Variants in KDM1B observed in about 807,000 individuals in gnomAD.
KDM1B encodes lysine demethylase 1B.
A neutral mutation model predicts 107.4 loss-of-function variants in KDM1B; 63 were observed. The ratio of observed to expected loss-of-function variants is 0.59; its 90% CI spans 0.48 to 0.72. KDM1B has a LOEUF of 0.72. Ranked by LOEUF, KDM1B falls within the 30% of genes least tolerant of loss-of-function variation. KDM1B has a pLI of 0.00. For missense variants in KDM1B, 749 were observed against 1,020.8 expected, an observed-to-expected ratio of 0.73 and a Z score of 3.63; for synonymous variants, 363 against 363.9, an observed-to-expected ratio of 1.00 and a Z score of 0.03.
rs926703234 is a variant in KDM1B, at chr6:18,201,082, T to A, written c.1360-404T>A. ...TGAAGAGTTGGTAGGCCCAAGACTT[T>A]TTCTGAAATGTTTATTGATGGTCAA... On this transcript the variant is annotated intron_variant, in intron 13 of 21. Coordinates refer to ENST00000650836, the MANE Select transcript of KDM1B (RefSeq NM_001364614.2). The surrounding 1 kb of genome is among the most constrained non-coding windows in gnomAD (Gnocchi z 4.3). Among the ~76,000 whole-genome samples, 7 of 152,324 alleles carry A rather than the reference T, an allele frequency of 4.6e-5. No homozygotes were observed. The East Asian group carries it at 1.4e-3, about 29-fold the overall frequency.
chr6:18,214,036 G>A lies in KDM1B; in HGVS notation c.2109+255G>A, dbSNP rs1017338751. The stretch of plus-strand genomic sequence containing the variant: ...ATGCTTGTGGAAACTGTCATTTCAG[G>A]CTATGGGGGAATTCCTCTTAGGTGA... On this transcript the variant is annotated intron_variant, in intron 19 of 21. Transcript: ENST00000650836. This position sits in a 1 kb window ranked among gnomAD's most constrained non-coding sequence, Gnocchi z 4.4. Among the ~76,000 whole-genome samples, 15 of 152,232 alleles carry A rather than the reference G, an allele frequency of 9.9e-5. No individual in the cohort carries two copies. Among genetic ancestry groups the A allele is most frequent in the Admixed American group, 7.2e-4 (11 of 15,290 alleles).
At chr6:18,166,236 A>C in intron 5 of KDM1B, 31 bp from the exon 6 acceptor site, 49 of 956,640 alleles carry the variant, frequency 5.1e-5, no homozygotes, top group Non-Finnish European at 8.1e-5. Flanking sequence ...TCGATATATT[A>C]ATCGATATAT....
intron 7 of KDM1B, among the ~76,000 whole-genome samples, chr6:18,176,550 C>G (rs191467414): frequency 1.8e-4 from 27 of 152,236 alleles, no homozygotes; most frequent in African/African-American, 6.5e-4. Context: ...AGAGGGAATG[C>G]TTTCAACTCT....
In KDM1B at chr6:18,166,287, A is replaced by G. The variant is rs757409247; in HGVS notation, c.326A>G (p.Lys109Arg). The change falls in exon 6 of 22, where the codon AAA (lysine) becomes AGA (arginine). Residue 109 changes from lysine (K) to arginine (R), a missense_variant. Lys to Arg is a conservative substitution (Grantham distance 26). Coordinates refer to ENST00000650836, the MANE Select transcript of KDM1B (RefSeq NM_001364614.2). The stretch of plus-strand genomic sequence containing the variant: ...TTCAGCCATAAGGATGGATATGACA[A>G]ATATACTACATGGAAAAAAATATGG... ...YYRSHKDGYD[K>R]YTTWKKIWTS... 4.4e-6 allele frequency: 7 copies of G among 1,595,888 alleles called. No homozygotes were observed. In the East Asian group the frequency reaches 1.1e-4, roughly 25 times the overall value.
chr6:18,194,646 T>A (rs1028529788), intron 10 of KDM1B, among the ~76,000 whole-genome samples: 1 of 152,078 alleles, frequency 6.6e-6, no homozygotes, highest in Admixed American at 6.6e-5. Flanking sequence ...TAACATAAAA[T>A]TTACCATATT....
In KDM1B at chr6:18,194,802, C is replaced by A. The variant is rs551516482; in HGVS notation, c.970-2255C>A. ...ACAGGCATGAGCCACCGTGCCTAGC[C>A]CTATTCCATCTTAACCATTGTGAAA... is the stretch of plus-strand genomic sequence containing the variant. On this transcript the variant is annotated intron_variant, in intron 10 of 21. Coordinates refer to ENST00000650836, the MANE Select transcript of KDM1B (RefSeq NM_001364614.2). Among the ~76,000 whole-genome samples, 6 of 152,230 alleles carry A rather than the reference C, an allele frequency of 3.9e-5. No individual in the cohort carries two copies. The South Asian group carries it at 8.3e-4, about 21-fold the overall frequency.
Position 18,222,315 on chromosome 6 carries a change from A to C in KDM1B, c.*323A>C. On this transcript the variant is annotated 3_prime_UTR_variant, in exon 22 of 22. Coordinates refer to ENST00000650836, the MANE Select transcript of KDM1B (RefSeq NM_001364614.2). ...TGGCTGGAAGTTCCCTTTAGATTTCACATTTTATATGGCTGATCAATTTTC... is the reference window on the plus strand; with the variant it reads ...TGGCTGGAAGTTCCCTTTAGATTTCCCATTTTATATGGCTGATCAATTTTC... 1 of 406,084 alleles carries C rather than the reference A, an allele frequency of 2.5e-6. No homozygotes were observed. The highest frequency in any genetic ancestry group is 4.7e-6 in the Non-Finnish European group (1 of 213,150). The allele number at this position is 406,084 out of a possible 1,614,324, so 25.2% of individuals were successfully genotyped here.
At position 18,197,270 on chromosome 6, in the gene KDM1B, G is replaced by T; in HGVS notation, c.1146+37G>T. 1 of 1,575,350 alleles carries T rather than the reference G, an allele frequency of 6.3e-7. No individual in the cohort carries two copies. The highest frequency in any genetic ancestry group is 1.1e-5 in the South Asian group (1 of 89,502). ...TAGCTTTAGCGATAGCCTTGCCATTGATCAGGACAAACGCTAGTCTGTTGC... is the reference window on the plus strand; with the variant it reads ...TAGCTTTAGCGATAGCCTTGCCATTTATCAGGACAAACGCTAGTCTGTTGC... On this transcript the variant is annotated intron_variant, in intron 11 of 21. Transcript: ENST00000650836. This position sits in a 1 kb window ranked among gnomAD's most constrained non-coding sequence, Gnocchi z 4.5.
intron 12 of KDM1B, among the ~76,000 whole-genome samples, chr6:18,199,470 A>G (rs1787890814): frequency 1.3e-5 from 2 of 152,162 alleles, no homozygotes; most frequent in South Asian, 2.1e-4. Context: ...CTAGAGATCC[A>G]GAAGTGAAAG....
Position 18,209,756 on chromosome 6 carries a change from C to A in KDM1B, c.1866+1550C>A, listed in dbSNP as rs375306270. On this transcript the variant is annotated intron_variant, in intron 17 of 21. Transcript: ENST00000650836. This position sits in a 1 kb window ranked among gnomAD's most constrained non-coding sequence, Gnocchi z 4.3. ...TCGAGTAGCTGGGATTACAGGCATG[C>A]ACCACCATGCCCGGCTAGTCATGTT... Among the ~76,000 whole-genome samples, 1 of 152,154 alleles carries A rather than the reference C, an allele frequency of 6.6e-6. No homozygotes were observed. The highest frequency in any genetic ancestry group is 2.4e-5 in the African/African-American group (1 of 41,434).
chr6:18,184,924 TG>T (rs1454071223), intron 7 of KDM1B, among the ~76,000 whole-genome samples: 1 of 151,656 alleles, frequency 6.6e-6, no homozygotes, highest in African/African-American at 2.4e-5. Context: ...TTTGTAGAGA[TG>T]GGGGGTGTTA....
rs1784850944 is a variant in KDM1B, at chr6:18,159,783, G to GACAT, written c.-13-95_-13-92dup. On this transcript the variant is annotated intron_variant, in intron 2 of 21. Coordinates refer to ENST00000650836, the MANE Select transcript of KDM1B (RefSeq NM_001364614.2). The surrounding 1 kb of genome is among the most constrained non-coding windows in gnomAD (Gnocchi z 4.5). The stretch of plus-strand genomic sequence containing the variant: ...CTGTAGCTTTGTATTTAGGCAATCT[G>GACAT]ACATACATTCTTACCTACCAAAGTG... The GACAT allele has an allele frequency of 7.6e-6, 5 of 661,988 alleles. No homozygotes were observed. Among genetic ancestry groups the GACAT allele is most frequent in the Admixed American group, 6.1e-5 (2 of 32,932 alleles). The allele number at this position is 661,988 out of a possible 1,614,324, so 41.0% of individuals were successfully genotyped here. A position where few individuals can be genotyped will look rare whatever the true frequency, so the allele number is the denominator to read the frequency against.
chr6:18,190,312 G>A (rs1787189211), intron 9 of KDM1B, among the ~76,000 whole-genome samples: 1 of 152,000 alleles, frequency 6.6e-6, no homozygotes, highest in African/African-American at 2.4e-5. Flanking sequence ...AGATAAGAAG[G>A]CCGGGCGCAG....
At position 18,209,525 on chromosome 6, in the gene KDM1B, G is replaced by T. The variant is rs758478690; in HGVS notation, c.1866+1319G>T. On this transcript the variant is annotated intron_variant, in intron 17 of 21. Coordinates refer to ENST00000650836, the MANE Select transcript of KDM1B (RefSeq NM_001364614.2). This position sits in a 1 kb window ranked among gnomAD's most constrained non-coding sequence, Gnocchi z 4.3. Reference sequence around the variant, plus strand: ...TTGGGCAGCAATCCCCGGGCTGCACGTCGGAACCACCTGGGAGGCGCTTAC... The same window carrying T: ...TTGGGCAGCAATCCCCGGGCTGCACTTCGGAACCACCTGGGAGGCGCTTAC... 6.6e-6 allele frequency among the ~76,000 whole-genome samples: 1 copy of T among 152,316 alleles called. No individual in the cohort carries two copies. The highest frequency in any genetic ancestry group is 2.4e-5 in the African/African-American group (1 of 41,564).
rs990040403 is a variant in KDM1B, at chr6:18,197,482, C to G, written c.1147-105C>G. On this transcript the variant is annotated intron_variant, in intron 11 of 21. Coordinates refer to ENST00000650836, the MANE Select transcript of KDM1B (RefSeq NM_001364614.2). The surrounding 1 kb of genome is among the most constrained non-coding windows in gnomAD (Gnocchi z 4.5). ...TAGGAAAATAACTTTCTAAGGACAT[C>G]AAAGAAATGTAAATGAACGAATTTG... The G allele has an allele frequency of 4.3e-6, 4 of 932,466 alleles. No homozygotes were observed. The highest frequency in any genetic ancestry group is 4.1e-5 in the Admixed American group (2 of 49,370). 57.8% of individuals were successfully genotyped at this position (932,466 alleles called of 1,614,324 possible).
Position 18,187,890 on chromosome 6 carries a change from C to T in KDM1B, c.672C>T (p.Tyr224=), listed in dbSNP as rs1228282921. 1.9e-6 allele frequency: 3 copies of T among 1,550,280 alleles called. 1 individual carries two copies. The change falls in exon 9 of 22, where the codon TAC becomes TAT. Residue 224 remains tyrosine (Y), a synonymous_variant. Coordinates refer to ENST00000650836, the MANE Select transcript of KDM1B (RefSeq NM_001364614.2). ...SVAAPLLSAY[Y]PDCVGMSPSC... Reference sequence around the variant, plus strand: ...CAGCGCCCCTGCTGTCTGCCTACTACCCTGACTGTGTTGGCATGAGCCCCT... The same window carrying T: ...CAGCGCCCCTGCTGTCTGCCTACTATCCTGACTGTGTTGGCATGAGCCCCT...
intron 20 of KDM1B, 51 bp from the exon 21 acceptor site, chr6:18,217,682 A>G (rs1582223075): frequency 6.5e-7 from 1 of 1,545,748 alleles, no homozygotes. Context: ...GCGCCCTGCC[A>G]TCTACATCCC....
In KDM1B at chr6:18,215,122, A is replaced by G. The variant is rs757510015; in HGVS notation, c.2225A>G (p.Lys742Arg). Residue 742 changes from lysine to arginine, a missense_variant, in exon 20 of 22, where the codon AAG becomes AGG. Coordinates refer to ENST00000650836, the MANE Select transcript of KDM1B (RefSeq NM_001364614.2). ...QCMATLRELF[K>R]EQEVPDPTKY... ...ATGGCCACGCTCCGGGAGCTGTTCAAGGAGCAGGTGAGAGAGAGGAAGCCC... is the reference window on the plus strand; with the variant it reads ...ATGGCCACGCTCCGGGAGCTGTTCAGGGAGCAGGTGAGAGAGAGGAAGCCC... 17 of 1,612,332 alleles carry G rather than the reference A, an allele frequency of 1.1e-5. No homozygotes were observed. The highest frequency in any genetic ancestry group is 1.7e-5 in the Admixed American group (1 of 59,988).
rs905798997 is a variant in KDM1B, at chr6:18,188,698, C to G, written c.784+696C>G. Among the ~76,000 whole-genome samples the G allele has an allele frequency of 4.6e-5, 7 of 152,134 alleles. No homozygotes were observed. In the East Asian group the frequency reaches 5.8e-4, roughly 13 times the overall value. On this transcript the variant is annotated intron_variant, in intron 9 of 21. Coordinates refer to ENST00000650836, the MANE Select transcript of KDM1B (RefSeq NM_001364614.2). ...ACACTATCTCAGCTCACTGCATCCT[C>G]CAGCTCCTGGGTTCAAGCAATTCTC...
Sources: allele counts gnomAD v4.1 joint callset (sites outside exome capture counted in the v4.1 genomes callset), GRCh38; gene constraint gnomAD v4.1.1; non-coding constraint Gnocchi (gnomAD v3.1); transcripts MANE v1.5; gene names NCBI Gene and HGNC (gene_info 2026-07-23, HGNC 2026-07-21).